Variants in SLC6A16 observed in about 807,000 individuals in gnomAD.
The protein encoded by SLC6A16 is orphan sodium- and chloride-dependent neurotransmitter transporter NTT5.
SLC6A16 carries 54 observed loss-of-function variants against 65.4 expected under a neutral mutation model. The observed-to-expected ratio is 0.83, with a 90% confidence interval of 0.66 to 1.04. The LOEUF (loss-of-function observed/expected upper bound fraction) is 1.04, where lower values mean the gene tolerates loss of function less well. SLC6A16 is among the 50% of genes least tolerant of loss of function. The pLI, the probability that SLC6A16 is intolerant of heterozygous loss-of-function variation, is 0.00. For missense variants in SLC6A16, 816 were observed against 914.0 expected (o/e 0.89, Z 1.38); for synonymous variants, 330 against 346.5 (o/e 0.95, Z 0.53).
chr19:49,337,675 G>A, the SLC6A16 span: 1 of 1,525,234 alleles, frequency 6.6e-7, no homozygotes, highest in Non-Finnish European at 8.8e-7. Context: ...CAGCTCCAAA[G>A]GGAAACACAC....
intron 10 of SLC6A16, among the ~76,000 whole-genome samples, chr19:49,291,771 T>C (rs1303782436): frequency 1.3e-5 from 2 of 151,986 alleles, no homozygotes; most frequent in Non-Finnish European, 2.9e-5. Flanking sequence ...GTGGGGTCTC[T>C]TGGTCTAGGG....
Position 49,290,059 on chromosome 19 carries a change from A to T in SLC6A16, c.*64T>A, listed in dbSNP as rs951550991. The T allele has an allele frequency of 2.9e-5, 43 of 1,498,106 alleles. No individual in the cohort carries two copies. Among genetic ancestry groups the T allele is most frequent in the Non-Finnish European group, 3.8e-5 (42 of 1,098,770 alleles). 92.8% of individuals were successfully genotyped at this position (1,498,106 alleles called of 1,614,324 possible). On this transcript the variant is annotated 3_prime_UTR_variant, in exon 12 of 12. Coordinates refer to ENST00000335875, the MANE Select transcript of SLC6A16 (RefSeq NM_014037.3). ...CAGGGAGATCAACAGTTGCAAGCTG[A>T]TATTAAGAGTTGTCTATTGGATCTG...
At chr19:49,310,012 T>C (rs1970481294) in intron 4 of SLC6A16, 28 bp downstream of exon 4, 7 of 1,609,560 alleles carry the variant, frequency 4.3e-6, no homozygotes, top group Non-Finnish European at 6.0e-6. Flanking sequence ...CATTTTTCCC[T>C]TCTCCTCTTC....
intron 7 of SLC6A16, among the ~76,000 whole-genome samples, chr19:49,296,408 C>T (rs1970187183): frequency 6.6e-6 from 1 of 152,194 alleles, no homozygotes; most frequent in Admixed American, 6.5e-5. Context: ...TACTGTAATA[C>T]CTTAGTAATC....
At chr19:49,338,991 G>T in the SLC6A16 span, 1 of 1,368,028 alleles carries the variant, frequency 7.3e-7, no homozygotes. This position sits in a 1 kb window ranked among gnomAD's most constrained non-coding sequence, Gnocchi z 5.0. Flanking sequence ...CTGCGGGAGG[G>T]GGAGGGCTGT....
At chr19:49,291,338 C>T (rs1013299913) in intron 10 of SLC6A16, among the ~76,000 whole-genome samples, 18 of 152,050 alleles carry the variant, frequency 1.2e-4, no homozygotes, top group Non-Finnish European at 2.4e-4. Context: ...AACTAACCAT[C>T]TATGCCCCCG....
At chr19:49,320,031 C>T (rs1028071951) in intron 1 of SLC6A16, among the ~76,000 whole-genome samples, 3 of 151,864 alleles carry the variant, frequency 2.0e-5, no homozygotes, top group Non-Finnish European at 2.9e-5. Flanking sequence ...TAAATGAAAA[C>T]GAAAACACAC....
the SLC6A16 span, chr19:49,339,254 T>C: frequency 7.5e-7 from 1 of 1,328,332 alleles, no homozygotes; most frequent in African/African-American, 1.4e-5. This position sits in a 1 kb window ranked among gnomAD's most constrained non-coding sequence, Gnocchi z 4.5. Context: ...CGGTGAGGGT[T>C]GGCCTGAAAA....
chr19:49,339,066 G>A, the SLC6A16 span: 5 of 792,716 alleles, frequency 6.3e-6, no homozygotes, highest in Non-Finnish European at 1.0e-5. This position sits in a 1 kb window ranked among gnomAD's most constrained non-coding sequence, Gnocchi z 4.5. Flanking sequence ...CAGGAGGGGC[G>A]GGGCCCTCTG....
At chr19:49,293,456 AC>A in intron 9 of SLC6A16, 74 bp from the exon 10 acceptor site, 1 of 1,471,356 alleles carries the variant, frequency 6.8e-7, no homozygotes, top group Non-Finnish European at 9.4e-7. Flanking sequence ...GAGGCCATAG[AC>A]CAGGGCTGGT....
the SLC6A16 span, chr19:49,335,555 G>C: frequency 6.2e-7 from 1 of 1,613,964 alleles, no homozygotes; most frequent in Non-Finnish European, 8.5e-7. The surrounding 1 kb of genome is among the most constrained non-coding windows in gnomAD (Gnocchi z 4.6). Context: ...CAGCCCAGGA[G>C]AGCTGCCTCA....
At chr19:49,336,889 A>C in the SLC6A16 span, 1 of 1,612,594 alleles carries the variant, frequency 6.2e-7, no homozygotes, top group Non-Finnish European at 8.5e-7. Context: ...GCTCATCATC[A>C]CTCCCCTCAC....
At chr19:49,337,751 G>A in the SLC6A16 span, 53 of 1,536,462 alleles carry the variant, frequency 3.4e-5, no homozygotes, top group Non-Finnish European at 4.2e-5. Flanking sequence ...CTTATGAGCC[G>A]TAGAAATAGT....
the SLC6A16 span, chr19:49,336,847 G>T: frequency 6.3e-7 from 1 of 1,589,016 alleles, no homozygotes. Flanking sequence ...TGCCTAGGTG[G>T]GAAATGGGGC....
chr19:49,318,686 A>C (rs1009059435), intron 1 of SLC6A16, among the ~76,000 whole-genome samples: 2 of 152,134 alleles, frequency 1.3e-5, no homozygotes, highest in Non-Finnish European at 2.9e-5. Context: ...GGAATATAAG[A>C]TAGCTAGATA....
rs1266143827 is a variant in SLC6A16, at chr19:49,311,304, G to A, written c.44C>T (p.Thr15Ile). 18 of 1,605,340 alleles carry A rather than the reference G, an allele frequency of 1.1e-5. No homozygotes were observed. The highest frequency in any genetic ancestry group is 1.5e-5 in the Non-Finnish European group (18 of 1,176,254). ...AGAAATCACTGTGCCAGTCCATGAG[G>A]TGTTTGCCAGCAAGGATGTCGAAGG... The part of the protein sequence containing the change: ...AQPSTSLLAN[T>I]SWTGTVISDS... The change falls in exon 2 of 12, where the codon ACC becomes ATC. Residue 15 changes from threonine (T) to isoleucine (I), a missense_variant. By Grantham distance (89) the Thr-to-Ile change is moderately conservative. Coordinates refer to ENST00000335875, the MANE Select transcript of SLC6A16 (RefSeq NM_014037.3).
the SLC6A16 span, chr19:49,339,929 C>T: frequency 2.2e-6 from 3 of 1,368,676 alleles, no homozygotes; most frequent in South Asian, 1.5e-5. This position sits in a 1 kb window ranked among gnomAD's most constrained non-coding sequence, Gnocchi z 4.5. Context: ...ACTGGAAGTG[C>T]GGGCGCAGAA....
the SLC6A16 span, chr19:49,337,320 G>A: frequency 4.3e-6 from 5 of 1,159,204 alleles, no homozygotes; most frequent in East Asian, 4.7e-5. Context: ...GGGCAGACAG[G>A]GGCTAACCTA....
At chr19:49,331,707 G>C in the SLC6A16 span, 1 of 456,124 alleles carries the variant, frequency 2.2e-6, no homozygotes, top group Non-Finnish European at 4.4e-6. Flanking sequence ...GGATTATGGA[G>C]GACATTTCAG....
Sources: gnomAD v4.1 joint callset for allele counts (sites outside exome capture counted in the v4.1 genomes callset) on GRCh38, gnomAD v4.1.1 for gene constraint, Gnocchi (gnomAD v3.1) non-coding constraint, MANE v1.5 for transcripts, NCBI Gene and HGNC (gene_info 2026-07-23, HGNC 2026-07-21) for gene names.